CYP2C8: variants seen among roughly 807,000 people sequenced by gnomAD.
CYP2C8 encodes cytochrome P450 2C8.
In CYP2C8, 51 loss-of-function variants were observed where a neutral mutation model predicts 41.3. The ratio of observed to expected loss-of-function variants is 1.24; its 90% CI spans 0.99 to 1.56. CYP2C8 has a LOEUF of 1.56. Among genes scored for constraint, CYP2C8 ranks in the 40% most tolerant of loss-of-function variants. CYP2C8 has a pLI of 0.00. For missense variants in CYP2C8, 651 were observed against 579.9 expected (o/e 1.12, Z -1.26); for synonymous variants, 218 against 205.8 (o/e 1.06, Z -0.51).
chr10:95,062,863 G>A (rs572161664), intron 4 of CYP2C8, among the ~76,000 whole-genome samples: 1 of 152,082 alleles, frequency 6.6e-6, no homozygotes, highest in Non-Finnish European at 1.5e-5. Context: ...GCATTTGCTT[G>A]TATGTAAAGG....
intron 6 of CYP2C8, 39 bp from the exon 7 acceptor site, chr10:95,043,116 A>G (rs759234848): frequency 5.0e-6 from 8 of 1,591,324 alleles, no homozygotes; most frequent in Non-Finnish European, 4.3e-6. Flanking sequence ...AAACGAAGAT[A>G]TATGGAACAT....
intron 8 of CYP2C8, among the ~76,000 whole-genome samples, chr10:95,037,620 TA>T (rs1337091909): frequency 1.3e-5 from 2 of 152,234 alleles, no homozygotes; most frequent in Admixed American, 6.5e-5. Context: ...ATTCCCACAT[TA>T]AAACAGCTCT....
At chr10:95,067,461 T>C (rs757341557) in intron 2 of CYP2C8, 68 bp downstream of exon 2, 1 of 1,613,380 alleles carries the variant, frequency 6.2e-7, no homozygotes, top group South Asian at 1.1e-5. Context: ...TGAGAAGCTT[T>C]TTAGGGCTCT....
rs993994200 is a variant in CYP2C8, at chr10:95,037,250, T to C, written c.1351A>G (p.Thr451Ala). ...TTCAGGTTAAAGTTCTGTAAAATTG[T>C]GGTTAGAAATAAAAATAGCTCCATG... ...ARMELFLFLT[T>A]ILQNFNLKSV... Residue 451 changes from threonine (T) to alanine (A), a missense_variant, in exon 9 of 9, where the codon ACA becomes GCA. Physicochemically the swap from Thr to Ala is moderately conservative, Grantham distance 58 (BLOSUM62 0). Coordinates refer to ENST00000371270, the MANE Select transcript of CYP2C8 (RefSeq NM_000770.3). 1 of 1,613,848 alleles carries C rather than the reference T, an allele frequency of 6.2e-7. No homozygotes were observed.
At chr10:95,051,760 C>A (rs754245123) in intron 5 of CYP2C8, among the ~76,000 whole-genome samples, 1 of 151,974 alleles carries the variant, frequency 6.6e-6, no homozygotes, top group Admixed American at 6.6e-5. Context: ...TGAAAAATTT[C>A]TTGAAACAAA....
At chr10:95,052,785 G>A (rs1358921550) in intron 5 of CYP2C8, among the ~76,000 whole-genome samples, 1 of 151,924 alleles carries the variant, frequency 6.6e-6, no homozygotes, top group Non-Finnish European at 1.5e-5. Flanking sequence ...GGTATAGAAG[G>A]AACATACCTC....
chr10:95,038,587 C>A (rs1025436981), intron 8 of CYP2C8, among the ~76,000 whole-genome samples: 29 of 152,018 alleles, frequency 1.9e-4, no homozygotes, highest in African/African-American at 6.3e-4. Context: ...AAGGAAAGAT[C>A]AGATGAATTT....
rs2134410323 is a variant in CYP2C8 at position 95,042,890 on chromosome 10, C to A, written c.1149G>T (p.Lys383Asn). 1.9e-6 allele frequency: 3 copies of A among 1,613,074 alleles called. No homozygotes were observed. In the East Asian group the frequency reaches 6.7e-5, roughly 36 times the overall value. Residue 383 changes from lysine to asparagine, a missense_variant and splice_region_variant, in exon 7 of 9, where the codon AAG (lysine) becomes AAT (asparagine). Lys to Asn is a moderately conservative substitution (Grantham distance 94, BLOSUM62 0). Transcript: ENST00000371270. Reference protein sequence around the residue: ...DTKFRNYLIPKGTTIMALLTS... With the variant: ...DTKFRNYLIPNGTTIMALLTS... Reference sequence around the variant, plus strand: ...TATAGTGTAAGAGAAACAAGCTTACCTTGGGGATGAGGTAGTTTCTGAACT... The same window carrying A: ...TATAGTGTAAGAGAAACAAGCTTACATTGGGGATGAGGTAGTTTCTGAACT...
Position 95,045,863 on chromosome 10 carries a change from C to T in CYP2C8, c.908G>A (p.Ser303Asn), listed in dbSNP as rs2033097389. 1.9e-6 allele frequency: 3 copies of T among 1,613,960 alleles called. No homozygotes were observed. The highest frequency in any genetic ancestry group is 2.5e-6 in the Non-Finnish European group (3 of 1,179,950). The change falls in exon 6 of 9, where the codon AGC (serine) becomes AAC (asparagine). Residue 303 changes from serine to asparagine, a missense_variant. Ser to Asn is a conservative substitution (Grantham distance 46, BLOSUM62 1). Coordinates refer to ENST00000371270, the MANE Select transcript of CYP2C8 (RefSeq NM_000770.3). ...CAGGAGTCCATATCTCAGAGTGGTGCTTGTTGTCTCTGTTCCAGCAACAAA... is the reference window on the plus strand; with the variant it reads ...CAGGAGTCCATATCTCAGAGTGGTGTTTGTTGTCTCTGTTCCAGCAACAAA... ...DLFVAGTETT[S>N]TTLRYGLLLL...
chr10:95,061,606 A>G (rs1589445993), intron 4 of CYP2C8, among the ~76,000 whole-genome samples: 1 of 152,078 alleles, frequency 6.6e-6, no homozygotes, highest in East Asian at 1.9e-4. Flanking sequence ...GGATTCATTG[A>G]TTTTTTGAAG....
intron 6 of CYP2C8, among the ~76,000 whole-genome samples, chr10:95,045,113 AT>A (rs752454950): frequency 2.6e-5 from 4 of 152,254 alleles, no homozygotes; most frequent in East Asian, 3.8e-4. Context: ...AGCAGGAACT[AT>A]TTAAATGTAA....
At position 95,064,859 on chromosome 10, in the gene CYP2C8, G is replaced by T; in HGVS notation, c.583C>A (p.Leu195Ile). The T allele has an allele frequency of 1.2e-6, 2 of 1,613,968 alleles. No individual in the cohort carries two copies. Among genetic ancestry groups the T allele is most frequent in the Non-Finnish European group, 1.7e-6 (2 of 1,179,988 alleles). Residue 195 changes from leucine (L) to isoleucine (I), a missense_variant, in exon 4 of 9, where the codon CTC becomes ATC. By Grantham distance (5) the Leu-to-Ile change is conservative. Transcript: ENST00000371270. ...KRFDYKDQNFLTLMKRFNENF... is the reference protein window; with the variant it reads ...KRFDYKDQNFITLMKRFNENF... ...TCATTGAATCTTTTCATCAGGGTGA[G>T]AAAATTCTGATCTTTATAATCAAAT... is the stretch of plus-strand genomic sequence containing the variant.
rs1016023504 is a variant in CYP2C8, at chr10:95,067,798, C to T, written c.169-107G>A. ...TTGTATTTTTTAATGTTCATATTTG[C>T]CACACATAGATTCGATATTTCTGAA... On this transcript the variant is annotated intron_variant, in intron 1 of 8. Coordinates refer to ENST00000371270, the MANE Select transcript of CYP2C8 (RefSeq NM_000770.3). 6.4e-5 allele frequency: 75 copies of T among 1,171,112 alleles called. No individual in the cohort carries two copies. The African/African-American group carries it at 1.0e-3, about 16-fold the overall frequency. The allele number at this position is 1,171,112 out of a possible 1,614,324, so 72.5% of individuals were successfully genotyped here.
At chr10:95,055,642 G>T (rs544433773) in intron 5 of CYP2C8, among the ~76,000 whole-genome samples, 1 of 152,276 alleles carries the variant, frequency 6.6e-6, no homozygotes, top group Non-Finnish European at 1.5e-5. Flanking sequence ...TAAAATGTTT[G>T]TTCATCAAAG....
intron 7 of CYP2C8, among the ~76,000 whole-genome samples, chr10:95,040,003 C>G (rs1489493988): frequency 6.6e-6 from 1 of 152,058 alleles, no homozygotes; most frequent in Non-Finnish European, 1.5e-5. Flanking sequence ...AGAAACAAAC[C>G]AGGAAAGGAA....
Position 95,069,370 on chromosome 10 carries a change from G to C in CYP2C8, c.33C>G (p.Leu11=), listed in dbSNP as rs1165861146. The change falls in exon 1 of 9, where the codon CTC becomes CTG. Residue 11 remains leucine (L), a synonymous_variant. Transcript: ENST00000371270. MEPFVVLVLC[L]SFMLLFSLWR... ...AGAGTGAAAAGAGAAGCATAAAAGA[G>C]AGACACAGCACCAGGACCACAAAAG... is the stretch of plus-strand genomic sequence containing the variant. The C allele has an allele frequency of 1.2e-6, 2 of 1,614,146 alleles. No homozygotes were observed. The highest frequency in any genetic ancestry group is 1.7e-6 in the Non-Finnish European group (2 of 1,180,044).
intron 1 of CYP2C8, chr10:95,068,690 A>C (rs2033619654): frequency 1.0e-6 from 1 of 997,872 alleles, no homozygotes; most frequent in African/African-American, 1.7e-5. Context: ...ATGATTATAT[A>C]ATACAATGAC....
Position 95,038,997 on chromosome 10 carries a change from A to T in CYP2C8, c.1191T>A (p.Asp397Glu). 6.2e-7 allele frequency: 1 copy of T among 1,613,710 alleles called. No homozygotes were observed. The highest frequency in any genetic ancestry group is 8.5e-7 in the Non-Finnish European group (1 of 1,179,558). The change falls in exon 8 of 9, where the codon GAT becomes GAA. Residue 397 changes from aspartate to glutamate, a missense_variant. Coordinates refer to ENST00000371270, the MANE Select transcript of CYP2C8 (RefSeq NM_000770.3). ...IMALLTSVLH[D>E]DKEFPNPNIF... The stretch of plus-strand genomic sequence containing the variant: ...TATTTGGATTAGGAAATTCTTTGTC[A>T]TCATGTAGCACGGAAGTCAGTAATG...
chr10:95,058,632 A>G (rs767279743), intron 4 of CYP2C8, 121 bp from the exon 5 acceptor site: 1 of 863,498 alleles, frequency 1.2e-6, no homozygotes, highest in Non-Finnish European at 1.8e-6. Flanking sequence ...TTGAAGGGAA[A>G]TTTTTATACA....
Sources: allele counts gnomAD v4.1 joint callset (sites outside exome capture counted in the v4.1 genomes callset), GRCh38; gene constraint gnomAD v4.1.1; transcripts MANE v1.5; gene names NCBI Gene and HGNC (gene_info 2026-07-23, HGNC 2026-07-21).